Variants in NGF observed in about 807,000 individuals in gnomAD.
NGF encodes the protein nerve growth factor.
In NGF, 4 loss-of-function variants were observed where a neutral mutation model predicts 12.8. The ratio of observed to expected loss-of-function variants is 0.31; its 90% CI spans 0.15 to 0.72. The LOEUF (loss-of-function observed/expected upper bound fraction) is 0.72. NGF is among the 30% of genes least tolerant of loss of function. The pLI, the probability that NGF is intolerant of heterozygous loss-of-function variation, is 0.69. For synonymous variants in NGF, 140 were observed against 130.0 expected (o/e 1.08, Z -0.52); for missense variants, 283 against 330.8 (o/e 0.86, Z 1.12).
At chr1:115,299,473 C>A (rs555982828) in intron 1 of NGF, among the ~76,000 whole-genome samples, 12 of 152,130 alleles carry the variant, frequency 7.9e-5, no homozygotes, top group Non-Finnish European at 1.5e-4. Flanking sequence ...TGCATGTTCA[C>A]CTGACTGGAG....
intron 1 of NGF, among the ~76,000 whole-genome samples, chr1:115,336,558 GGTT>G (rs1655114409): frequency 2.0e-5 from 3 of 152,116 alleles, no homozygotes; most frequent in Non-Finnish European, 4.4e-5. Context: ...TTGACATTTG[GGTT>G]GCTCAGGTTG....
intron 1 of NGF, among the ~76,000 whole-genome samples, chr1:115,309,894 T>A (rs1241767887): frequency 2.0e-5 from 3 of 152,238 alleles, no homozygotes; most frequent in Admixed American, 1.3e-4. Context: ...TTTAACCTAC[T>A]AATCTCACTT....
At chr1:115,334,829 G>A (rs1286203373) in intron 1 of NGF, among the ~76,000 whole-genome samples, 2 of 152,178 alleles carry the variant, frequency 1.3e-5, no homozygotes, top group African/African-American at 4.8e-5. Flanking sequence ...CCAAAATGCT[G>A]ACAGCTCCAT....
intron 1 of NGF, 22 bp downstream of exon 1, chr1:115,338,182 G>C (rs949100007): frequency 6.6e-6 from 1 of 152,436 alleles, no homozygotes; most frequent in Non-Finnish European, 1.5e-5. Context: ...TCTCGGGATC[G>C]GCTCGGGGCA....
At chr1:115,332,652 C>T (rs1202124047) in intron 1 of NGF, among the ~76,000 whole-genome samples, 1 of 152,168 alleles carries the variant, frequency 6.6e-6, no homozygotes, top group Non-Finnish European at 1.5e-5. Flanking sequence ...TGCCTTCCCA[C>T]TTAATGTGCA....
chr1:115,334,635 T>G (rs763090547), intron 1 of NGF, among the ~76,000 whole-genome samples: 2 of 152,042 alleles, frequency 1.3e-5, no homozygotes, highest in Non-Finnish European at 2.9e-5. Context: ...ACCCCAACAA[T>G]AGGGCCCTTA....
intron 2 of NGF, among the ~76,000 whole-genome samples, chr1:115,291,915 G>C (rs1653713851): frequency 6.6e-6 from 1 of 152,142 alleles, no homozygotes; most frequent in Non-Finnish European, 1.5e-5. Flanking sequence ...CATGCCAAGA[G>C]CCACGAGTGA....
intron 1 of NGF, among the ~76,000 whole-genome samples, chr1:115,337,659 G>C (rs1337374372): frequency 6.6e-6 from 1 of 152,078 alleles, no homozygotes; most frequent in African/African-American, 2.4e-5. Flanking sequence ...TCCGAGACGC[G>C]CTGAGGGAAC....
At chr1:115,297,607 CTG>C (rs1300207281) in intron 1 of NGF, among the ~76,000 whole-genome samples, 19 of 152,224 alleles carry the variant, frequency 1.2e-4, no homozygotes, top group Admixed American at 3.9e-4. Flanking sequence ...TTTAAGGAAA[CTG>C]TGCCTCTGCT....
chr1:115,308,862 T>C (rs1654269377), intron 1 of NGF, among the ~76,000 whole-genome samples: 1 of 152,230 alleles, frequency 6.6e-6, no homozygotes, highest in Non-Finnish European at 1.5e-5. Context: ...GACTTGAATA[T>C]ACCATTCATC....
At chr1:115,306,956 A>C (rs1654219324) in intron 1 of NGF, among the ~76,000 whole-genome samples, 1 of 152,236 alleles carries the variant, frequency 6.6e-6, no homozygotes, top group Non-Finnish European at 1.5e-5. Flanking sequence ...CCGATGATTG[A>C]TGGCCCTGGC....
At chr1:115,332,680 C>T (rs1345376666) in intron 1 of NGF, among the ~76,000 whole-genome samples, 1 of 152,164 alleles carries the variant, frequency 6.6e-6, no homozygotes, top group Non-Finnish European at 1.5e-5. Flanking sequence ...CAGATGACAG[C>T]ATAGCTACTA....
At chr1:115,289,636 T>C (rs1571072217) in intron 2 of NGF, among the ~76,000 whole-genome samples, 1 of 152,320 alleles carries the variant, frequency 6.6e-6, no homozygotes, top group African/African-American at 2.4e-5. Flanking sequence ...ATAATCATAA[T>C]TAGGATCATC....
chr1:115,315,729 T>C (rs1268994893), intron 1 of NGF, among the ~76,000 whole-genome samples: 1 of 152,184 alleles, frequency 6.6e-6, no homozygotes, highest in Non-Finnish European at 1.5e-5. Flanking sequence ...AATGTACATT[T>C]GGTAAATATG....
At chr1:115,306,946 C>A (rs1449429604) in intron 1 of NGF, among the ~76,000 whole-genome samples, 1 of 152,204 alleles carries the variant, frequency 6.6e-6, no homozygotes, top group African/African-American at 2.4e-5. Flanking sequence ...AATATTGGTA[C>A]CGATGATTGA....
chr1:115,303,792 C>T (rs929778661), intron 1 of NGF, among the ~76,000 whole-genome samples: 2 of 152,194 alleles, frequency 1.3e-5, no homozygotes, highest in Non-Finnish European at 2.9e-5. Flanking sequence ...CCAAGACCTC[C>T]TCATAGGCCA....
At chr1:115,307,581 G>A (rs56663228) in intron 1 of NGF, among the ~76,000 whole-genome samples, 5,048 of 152,252 alleles carry the variant, frequency 0.033, 271 homozygotes, top group African/African-American at 0.12. Flanking sequence ...AAAGTCCAAG[G>A]AATAGGTAAT....
At chr1:115,309,088 G>C (rs578104405) in intron 1 of NGF, among the ~76,000 whole-genome samples, 1 of 152,158 alleles carries the variant, frequency 6.6e-6, no homozygotes, top group African/African-American at 2.4e-5. Flanking sequence ...GCAGAATGAC[G>C]TGGAGAAGGC....
At chr1:115,300,135 C>T (rs1159708570) in intron 1 of NGF, among the ~76,000 whole-genome samples, 1 of 152,170 alleles carries the variant, frequency 6.6e-6, no homozygotes, top group Admixed American at 6.5e-5. Context: ...CTTTTCCTCT[C>T]AGTGTGTGGT....
Sources: gnomAD v4.1 joint callset for allele counts (sites outside exome capture counted in the v4.1 genomes callset) on GRCh38, gnomAD v4.1.1 for gene constraint, MANE v1.5 for transcripts, NCBI Gene and HGNC (gene_info 2026-07-23, HGNC 2026-07-21) for gene names.